The following CATSPERZ variants were observed in gnomAD, a reference collection of about 807,000 sequenced individuals.
CATSPERZ encodes the protein catsper channel auxiliary subunit zeta.
CATSPERZ carries 21 observed loss-of-function variants against 21.7 expected under a neutral mutation model. The observed-to-expected ratio is 0.97, with a 90% CI of 0.69 to 1.39. The LOEUF is 1.39. Ranked by LOEUF, CATSPERZ falls within the 40% of genes most tolerant of loss-of-function variation. CATSPERZ has a pLI of 0.00. For synonymous variants in CATSPERZ, 127 were observed against 108.7 expected (o/e 1.17, Z -1.05); for missense variants, 234 against 259.5 (o/e 0.90, Z 0.68).
In CATSPERZ at chr11:64,300,936, T is replaced by G. The variant is rs1343912373; in HGVS notation, c.301T>G (p.Ser101Ala). 1.3e-6 allele frequency: 2 copies of G among 1,580,688 alleles called. No individual in the cohort carries two copies. The highest frequency in any genetic ancestry group is 2.7e-5 in the African/African-American group (2 of 74,218). The change falls in exon 2 of 5, where the codon TCC becomes GCC. Residue 101 changes from serine (S) to alanine (A), a missense_variant. Coordinates refer to ENST00000328404, the MANE Select transcript of CATSPERZ (RefSeq NM_001039496.2). ...GGAGCTGGAGTTGCACCGCGGCAGC[T>G]CCATGGAAATCAATCTGGGGGAGAA... ...LVELELHRGS[S>A]MEINLGEKDT...
intron 1 of CATSPERZ, 94 bp from the exon 2 acceptor site, chr11:64,300,563 C>A: frequency 2.7e-6 from 4 of 1,506,218 alleles, no homozygotes; most frequent in African/African-American, 1.4e-5. Flanking sequence ...TCTACGGGAT[C>A]CCCAACCCGG....
At chr11:64,302,909 T>G (rs2135241096) in intron 2 of CATSPERZ, among the ~76,000 whole-genome samples, 1 of 137,354 alleles carries the variant, frequency 7.3e-6, no homozygotes, top group East Asian at 2.2e-4. Flanking sequence ...TTTTTTTTAG[T>G]TTTTTTTTGA....
Position 64,304,552 on chromosome 11 carries a change from T to C in CATSPERZ, c.509T>C (p.Leu170Ser). The change falls in exon 5 of 5, where the codon TTA (leucine) becomes TCA (serine). Residue 170 changes from leucine to serine, a missense_variant. By Grantham distance (145) the Leu-to-Ser change is moderately radical. Coordinates refer to ENST00000328404, the MANE Select transcript of CATSPERZ (RefSeq NM_001039496.2). ...TCTGCCCTCCTCCTAGGCTACCAGTTAGGGATCGGCAGGGACCACTTCCTG... is the reference window on the plus strand; with the variant it reads ...TCTGCCCTCCTCCTAGGCTACCAGTCAGGGATCGGCAGGGACCACTTCCTG... ...ILTKALRSYQ[L>S]GIGRDHFLTK... 1 of 1,584,848 alleles carries C rather than the reference T, an allele frequency of 6.3e-7. No homozygotes were observed. Among genetic ancestry groups the C allele is most frequent in the Middle Eastern group, 1.7e-4 (1 of 5,902 alleles).
At chr11:64,304,502 G>C in intron 4 of CATSPERZ, 41 bp from the exon 5 acceptor site, 1 of 1,500,754 alleles carries the variant, frequency 6.7e-7, no homozygotes, top group Non-Finnish European at 9.0e-7. Context: ...GAGACCTTTC[G>C]GTTGCTCACT....
In CATSPERZ at chr11:64,300,758, G is replaced by T; in HGVS notation, c.123G>T (p.Leu41=). The T allele has an allele frequency of 6.4e-7, 1 of 1,552,706 alleles. No homozygotes were observed. Among genetic ancestry groups the T allele is most frequent in the South Asian group, 1.2e-5 (1 of 84,142 alleles). ...CGACCACGCTGTCCCAGGCACAGCT[G>T]AACATGCCGCTGTCCGAGGTCTGCG... ...WTTTTLSQAQ[L]NMPLSEVCEG... is the part of the protein sequence containing the mutation. Residue 41 remains leucine, a synonymous_variant, in exon 2 of 5, where the codon CTG becomes CTT. Transcript: ENST00000328404.
intron 1 of CATSPERZ, 92 bp downstream of exon 1, chr11:64,300,523 G>T (rs2034904010): frequency 6.5e-7 from 1 of 1,547,466 alleles, no homozygotes. Context: ...CTCAGCCTTG[G>T]CTGCCCGCAG....
intron 2 of CATSPERZ, among the ~76,000 whole-genome samples, chr11:64,302,281 A>G (rs1205133670): frequency 6.6e-6 from 1 of 151,974 alleles, no homozygotes; most frequent in Non-Finnish European, 1.5e-5. Context: ...TTATTTATTT[A>G]TTTTTATTAT....
At chr11:64,302,386 TTCTCCTGCCTCAGCC>T (rs2034940457) in intron 2 of CATSPERZ, among the ~76,000 whole-genome samples, 1 of 152,292 alleles carries the variant, frequency 6.6e-6, no homozygotes, top group East Asian at 1.9e-4. Flanking sequence ...GTTCACACCA[TTCTCCTGCCTCAGCC>T]TCTGGAGTGG....
In CATSPERZ at chr11:64,300,868, A is replaced by C; in HGVS notation, c.233A>C (p.Lys78Thr). The part of the protein sequence containing the change: ...PGRGSLDEGY[K>T]ASHKPEELDE... ...CGGGGCTCGTTGGACGAGGGGTACA[A>C]GGCCAGCCACAAGCCGGAGGAACTG... Residue 78 changes from lysine (K) to threonine (T), a missense_variant, in exon 2 of 5, where the codon AAG (lysine) becomes ACG (threonine). By Grantham distance (78) the Lys-to-Thr change is moderately conservative. Transcript: ENST00000328404. 2.6e-6 allele frequency: 4 copies of C among 1,562,390 alleles called. No individual in the cohort carries two copies. Among genetic ancestry groups the C allele is most frequent in the Non-Finnish European group, 3.5e-6 (4 of 1,154,908 alleles).
At chr11:64,302,659 G>A (rs2034945817) in intron 2 of CATSPERZ, among the ~76,000 whole-genome samples, 2 of 152,066 alleles carry the variant, frequency 1.3e-5, no homozygotes, top group African/African-American at 4.8e-5. Flanking sequence ...TGCAACTTCC[G>A]CCTCCCCGGT....
At position 64,303,840 on chromosome 11, in the gene CATSPERZ, G is replaced by A; in HGVS notation, c.499+1G>A. 1 of 1,593,700 alleles carries A rather than the reference G, an allele frequency of 6.3e-7. No individual in the cohort carries two copies. Among genetic ancestry groups the A allele is most frequent in the Admixed American group, 1.8e-5 (1 of 56,958 alleles). Reference sequence around the variant, plus strand: ...GAAATCCTCACCAAAGCCCTCCGGAGTAAGCTCCCCGCCAACCCCCAAGAA... The same window carrying A: ...GAAATCCTCACCAAAGCCCTCCGGAATAAGCTCCCCGCCAACCCCCAAGAA... On this transcript the variant is annotated splice_donor_variant, in intron 4 of 4. Coordinates refer to ENST00000328404, the MANE Select transcript of CATSPERZ (RefSeq NM_001039496.2). LOFTEE classifies it high-confidence loss of function.
rs544413071 is a variant in CATSPERZ at position 64,304,719 on chromosome 11, C to G, written c.*73C>G. 37 of 1,280,452 alleles carry G rather than the reference C, an allele frequency of 2.9e-5. No homozygotes were observed. The East Asian group carries it at 8.8e-4, about 30-fold the overall frequency. 79.3% of individuals were successfully genotyped at this position (1,280,452 alleles called of 1,614,324 possible). A position where few individuals can be genotyped will look rare whatever the true frequency, so the allele number is the denominator to read the frequency against. On this transcript the variant is annotated 3_prime_UTR_variant, in exon 5 of 5. Coordinates refer to ENST00000328404, the MANE Select transcript of CATSPERZ (RefSeq NM_001039496.2). ...GCCCGGTCCCCAGACCCAAGCCTGA[C>G]CCCATCCGAGTGGAATTTGAGTCCT... is the stretch of plus-strand genomic sequence containing the variant.
Position 64,303,856 on chromosome 11 carries a change from C to T in CATSPERZ, c.499+17C>T, listed in dbSNP as rs781038205. 968 of 1,588,054 alleles carry T rather than the reference C, an allele frequency of 6.1e-4. 1 individual carries two copies. Among genetic ancestry groups the T allele is most frequent in the Non-Finnish European group, 7.7e-4 (904 of 1,167,644 alleles). ...CCCTCCGGAGTAAGCTCCCCGCCAACCCCCAAGAACTCCCACGACAGATTC... is the reference window on the plus strand; with the variant it reads ...CCCTCCGGAGTAAGCTCCCCGCCAATCCCCAAGAACTCCCACGACAGATTC... On this transcript the variant is annotated intron_variant, in intron 4 of 4. Coordinates refer to ENST00000328404, the MANE Select transcript of CATSPERZ (RefSeq NM_001039496.2).
chr11:64,304,363 C>T (rs1417727488), intron 4 of CATSPERZ, among the ~76,000 whole-genome samples, 180 bp from the exon 5 acceptor site: 1 of 152,180 alleles, frequency 6.6e-6, no homozygotes, highest in Non-Finnish European at 1.5e-5. Flanking sequence ...ATCCATCCTC[C>T]ACCTTAACAC....
In CATSPERZ at chr11:64,304,543, G is replaced by A. The variant is rs1251491171; in HGVS notation, c.500G>A (p.Ser167Asn). 2 of 1,580,262 alleles carry A rather than the reference G, an allele frequency of 1.3e-6. No homozygotes were observed. Among genetic ancestry groups the A allele is most frequent in the Admixed American group, 1.8e-5 (1 of 54,458 alleles). ...GAGCCGAGCTCTGCCCTCCTCCTAG[G>A]CTACCAGTTAGGGATCGGCAGGGAC... ...ALEILTKALR[S>N]YQLGIGRDHF... The change falls in exon 5 of 5, where the codon AGC becomes AAC. Residue 167 changes from serine (S) to asparagine (N), a missense_variant and splice_region_variant. Transcript: ENST00000328404.
chr11:64,300,746 C>G lies in CATSPERZ; in HGVS notation c.111C>G (p.Ser37=). 1 of 1,552,176 alleles carries G rather than the reference C, an allele frequency of 6.4e-7. No individual in the cohort carries two copies. Among genetic ancestry groups the G allele is most frequent in the Middle Eastern group, 1.7e-4 (1 of 5,982 alleles). ...TRDLWTTTTL[S]QAQLNMPLSE... ...ACCTGTGGACCACGACCACGCTGTCCCAGGCACAGCTGAACATGCCGCTGT... is the reference window on the plus strand; with the variant it reads ...ACCTGTGGACCACGACCACGCTGTCGCAGGCACAGCTGAACATGCCGCTGT... Residue 37 remains serine (S), a synonymous_variant, in exon 2 of 5, where the codon TCC becomes TCG. Transcript: ENST00000328404.
At chr11:64,303,976 GC>G in intron 4 of CATSPERZ, 137 bp downstream of exon 4, 1 of 856,828 alleles carries the variant, frequency 1.2e-6, no homozygotes, top group Non-Finnish European at 1.8e-6. Context: ...TATTCCAAGG[GC>G]CCCATAAAAG....
chr11:64,300,550 C>T (rs2135238604), intron 1 of CATSPERZ, 107 bp from the exon 2 acceptor site: 3 of 1,524,660 alleles, frequency 2.0e-6, no homozygotes, highest in African/African-American at 1.4e-5. Flanking sequence ...CCCAACCCCA[C>T]GTTCTACGGG....
chr11:64,303,281 T>C (rs528722078), intron 2 of CATSPERZ, among the ~76,000 whole-genome samples: 1 of 151,780 alleles, frequency 6.6e-6, no homozygotes, highest in African/African-American at 2.4e-5. Flanking sequence ...AGTGTCACAC[T>C]GTGGGGCAGT....
Sources: gnomAD v4.1 joint callset for allele counts (sites outside exome capture counted in the v4.1 genomes callset) on GRCh38, gnomAD v4.1.1 for gene constraint, MANE v1.5 for transcripts, NCBI Gene and HGNC (gene_info 2026-07-23, HGNC 2026-07-21) for gene names.